Variants in CTNNA3 observed in about 807,000 individuals in gnomAD.
CTNNA3 encodes catenin alpha-3.
A neutral mutation model predicts 95.7 loss-of-function variants in CTNNA3; 76 were observed. The observed-to-expected ratio is 0.79, with a 90% CI of 0.66 to 0.96. The LOEUF is 0.96. CTNNA3 is among the 40% of genes least tolerant of loss of function. CTNNA3 has a pLI of 0.00. For missense variants in CTNNA3, 1,191 were observed against 1,089.8 expected (o/e 1.09, Z -1.31); for synonymous variants, 431 against 374.4 (o/e 1.15, Z -1.74).
chr10:66,618,413 T>C (rs1195681708), intron 10 of CTNNA3, among the ~76,000 whole-genome samples: 1 of 152,068 alleles, frequency 6.6e-6, no homozygotes, highest in Non-Finnish European at 1.5e-5. Flanking sequence ...GCTGCATATC[T>C]ATAACTATCT....
intron 9 of CTNNA3, among the ~76,000 whole-genome samples, chr10:66,678,459 C>T (rs2132493361): frequency 6.6e-6 from 1 of 152,264 alleles, no homozygotes; most frequent in African/African-American, 2.4e-5. Flanking sequence ...TGCACACATG[C>T]ATACACATAT....
rs1372801372 is a variant in CTNNA3 at position 66,498,692 on chromosome 10, A to G, written c.1531+21925T>C. ...GTGGGAAATGAGCTTCATCTTTTAC[A>G]TTGGTGAAAGGTGCAGAGTGATCAT... On this transcript the variant is annotated intron_variant, in intron 11 of 17. Coordinates refer to ENST00000433211, the MANE Select transcript of CTNNA3 (RefSeq NM_013266.4). Among the ~76,000 whole-genome samples the G allele has an allele frequency of 3.3e-5, 5 of 152,150 alleles. 1 individual carries two copies. Among genetic ancestry groups the G allele is most frequent in the Non-Finnish European group, 7.4e-5 (5 of 68,008 alleles).
chr10:67,040,790 T>C (rs1854345528), intron 7 of CTNNA3, among the ~76,000 whole-genome samples: 1 of 152,116 alleles, frequency 6.6e-6, no homozygotes, highest in Admixed American at 6.6e-5. Flanking sequence ...TTCTCTGTGG[T>C]ATTTTTAAAA....
intron 5 of CTNNA3, among the ~76,000 whole-genome samples, chr10:67,274,205 A>G (rs1839094462): frequency 6.6e-6 from 1 of 152,312 alleles, no homozygotes; most frequent in Admixed American, 6.5e-5. Context: ...TCAAGAGAAA[A>G]CTATAGAAAG....
chr10:67,595,822 A>G (rs993654335), intron 3 of CTNNA3, among the ~76,000 whole-genome samples: 1 of 152,188 alleles, frequency 6.6e-6, no homozygotes, highest in South Asian at 2.1e-4. Context: ...TGTTGAGTAC[A>G]TACATTTTTA....
At chr10:66,178,357 A>G (rs914569269) in intron 13 of CTNNA3, among the ~76,000 whole-genome samples, 2 of 146,370 alleles carry the variant, frequency 1.4e-5, no homozygotes, top group African/African-American at 4.9e-5. Context: ...ATATAGGGAT[A>G]TAGTTTATTA....
chr10:66,697,530 T>G (rs574741998), intron 9 of CTNNA3, among the ~76,000 whole-genome samples: 9 of 152,132 alleles, frequency 5.9e-5, no homozygotes, highest in Admixed American at 3.3e-4. Context: ...ACTGAAAAAC[T>G]ACATCATAAA....
chr10:66,937,825 T>C (rs535136410), intron 7 of CTNNA3, among the ~76,000 whole-genome samples: 10 of 152,264 alleles, frequency 6.6e-5, no homozygotes, highest in South Asian at 4.2e-4. Flanking sequence ...TTCTGAGCTT[T>C]TCCAGAATAG....
At chr10:67,002,090 T>TA (rs1026568543) in intron 7 of CTNNA3, among the ~76,000 whole-genome samples, 13 of 152,140 alleles carry the variant, frequency 8.5e-5, no homozygotes, top group Non-Finnish European at 1.6e-4. Context: ...TTTCTTCACC[T>TA]AAAAAAATGA....
At chr10:65,930,215 A>AC (rs949576436) in intron 17 of CTNNA3, among the ~76,000 whole-genome samples, 3 of 150,772 alleles carry the variant, frequency 2.0e-5, no homozygotes, top group African/African-American at 7.3e-5. Flanking sequence ...AAAAAAAAAA[A>AC]AAAAAAAAAA....
intron 13 of CTNNA3, among the ~76,000 whole-genome samples, chr10:66,256,520 G>T (rs2090783777): frequency 6.6e-6 from 1 of 150,556 alleles, no homozygotes; most frequent in South Asian, 2.1e-4. Context: ...GGGAGTTCGA[G>T]ACCAGCCTGG....
chr10:65,974,470 C>T (rs1308189402), intron 16 of CTNNA3, among the ~76,000 whole-genome samples: 4 of 151,996 alleles, frequency 2.6e-5, no homozygotes, highest in Non-Finnish European at 5.9e-5. Context: ...GGCCATTATC[C>T]CAAGTGAATT....
intron 7 of CTNNA3, among the ~76,000 whole-genome samples, chr10:66,933,678 C>T (rs999238611): frequency 5.3e-5 from 8 of 152,142 alleles, no homozygotes; most frequent in African/African-American, 1.7e-4. Flanking sequence ...ATAGAAATTA[C>T]TATTGACTTT....
At chr10:66,536,689 A>C (rs1426568199) in intron 10 of CTNNA3, among the ~76,000 whole-genome samples, 2 of 152,120 alleles carry the variant, frequency 1.3e-5, no homozygotes, top group African/African-American at 2.4e-5. Context: ...TTAACAGAGA[A>C]GTTAAAGGTA....
At chr10:66,104,840 A>G (rs1254524383) in intron 13 of CTNNA3, among the ~76,000 whole-genome samples, 2 of 152,206 alleles carry the variant, frequency 1.3e-5, no homozygotes, top group African/African-American at 4.8e-5. Context: ...TGCTTTACAC[A>G]CAGACATTCT....
At chr10:67,133,466 T>A (rs1860140454) in intron 7 of CTNNA3, among the ~76,000 whole-genome samples, 1 of 150,930 alleles carries the variant, frequency 6.6e-6, no homozygotes, top group Non-Finnish European at 1.5e-5. Flanking sequence ...TTGGACTGAT[T>A]TAAAGCTGAA....
At chr10:65,977,696 C>T (rs1315774311) in intron 16 of CTNNA3, among the ~76,000 whole-genome samples, 2 of 151,934 alleles carry the variant, frequency 1.3e-5, no homozygotes, top group Non-Finnish European at 1.5e-5. Context: ...ACACGAGAAT[C>T]GCTTGAACCT....
chr10:67,087,262 G>A (rs1857358578), intron 7 of CTNNA3, among the ~76,000 whole-genome samples: 1 of 151,946 alleles, frequency 6.6e-6, no homozygotes, highest in African/African-American at 2.4e-5. Flanking sequence ...AAGGGTCCAG[G>A]GAAGAGTCCA....
At chr10:66,056,329 A>T (rs1440486273) in intron 15 of CTNNA3, among the ~76,000 whole-genome samples, 1 of 152,176 alleles carries the variant, frequency 6.6e-6, no homozygotes. Context: ...ATGATGTATC[A>T]CACTTATTGA....
Sources: gnomAD v4.1 joint callset for allele counts (sites outside exome capture counted in the v4.1 genomes callset) on GRCh38, gnomAD v4.1.1 for gene constraint, MANE v1.5 for transcripts, NCBI Gene and HGNC (gene_info 2026-07-23, HGNC 2026-07-21) for gene names.